The following THOC1 variants were observed in gnomAD, a reference collection of about 807,000 sequenced individuals.
The protein encoded by THOC1 is THO complex 1.
THOC1 carries 29 observed loss-of-function variants against 97.3 expected under a neutral mutation model. That is an observed-to-expected ratio of 0.30 (90% CI 0.22 to 0.41). The LOEUF (loss-of-function observed/expected upper bound fraction) is 0.41, where lower values mean the gene tolerates loss of function less well. Among genes scored for constraint, THOC1 ranks in the 10% least tolerant of loss-of-function variants. THOC1 has a pLI of 1.00. For synonymous variants in THOC1, 255 were observed against 257.0 expected, an observed-to-expected ratio of 0.99 and a Z score of 0.07; for missense variants, 529 against 761.9, an observed-to-expected ratio of 0.69 and a Z score of 3.60.
chr18:259,108 GA>G (rs1217357124), intron 7 of THOC1, 71 bp downstream of exon 7: 4 of 1,134,632 alleles, frequency 3.5e-6, no homozygotes, highest in Non-Finnish European at 5.1e-6. Context: ...TCATTATCAT[GA>G]CAGATTTTAA....
chr18:225,475 C>A (rs1911248512), intron 12 of THOC1, 72 bp from the exon 13 acceptor site: 1 of 1,274,002 alleles, frequency 7.8e-7, no homozygotes. Flanking sequence ...TTAAAAAACA[C>A]AAGGCATGTA....
intron 11 of THOC1, 76 bp downstream of exon 11, chr18:246,248 T>C: frequency 8.7e-7 from 1 of 1,145,864 alleles, no homozygotes. Flanking sequence ...CAGTTTAACT[T>C]AGAAAGGCTG....
intron 16 of THOC1, 92 bp downstream of exon 16, chr18:223,992 C>A: frequency 1.1e-6 from 1 of 936,810 alleles, no homozygotes; most frequent in South Asian, 1.5e-5. Context: ...AACACAATCT[C>A]ATACTATATT....
rs945622647 is a variant in THOC1, at chr18:222,424, G to A, written c.1370+1016C>T. Among the ~76,000 whole-genome samples, 12 of 152,120 alleles carry A rather than the reference G, an allele frequency of 7.9e-5. No homozygotes were observed. In the East Asian group the frequency reaches 1.9e-3, roughly 24 times the overall value. ...TTTAGTCAATCACTCAACCACAACT[G>A]TTTAACTTGTTACAGAATTTTTTAG... On this transcript the variant is annotated intron_variant, in intron 17 of 20. Coordinates refer to ENST00000261600, the MANE Select transcript of THOC1 (RefSeq NM_005131.3).
At chr18:253,411 T>G (rs959085761) in intron 8 of THOC1, among the ~76,000 whole-genome samples, 1 of 152,202 alleles carries the variant, frequency 6.6e-6, no homozygotes, top group African/African-American at 2.4e-5. Context: ...ATGTGATATA[T>G]CCACTCTGAG....
At chr18:240,895 G>A (rs1383837880) in intron 11 of THOC1, among the ~76,000 whole-genome samples, 1 of 152,160 alleles carries the variant, frequency 6.6e-6, no homozygotes, top group African/African-American at 2.4e-5. Context: ...GTTGGTGGGA[G>A]ACAGTGACAG....
chr18:216,653 G>A lies in THOC1; in HGVS notation c.1455-20C>T. 6.2e-7 allele frequency: 1 copy of A among 1,604,038 alleles called. No homozygotes were observed. Among genetic ancestry groups the A allele is most frequent in the Non-Finnish European group, 8.5e-7 (1 of 1,175,168 alleles). On this transcript the variant is annotated intron_variant, in intron 18 of 20. Transcript: ENST00000261600. Reference sequence around the variant, plus strand: ...ACAGCCCTATAAAAAGAGGTGTCAGGCTTGTAATTTATAGCTTTGTATTTC... The same window carrying A: ...ACAGCCCTATAAAAAGAGGTGTCAGACTTGTAATTTATAGCTTTGTATTTC...
At position 214,842 on chromosome 18, in the gene THOC1, C is replaced by T. The variant is rs560248247; in HGVS notation, c.1758G>A (p.Lys586=). Reference sequence around the variant, plus strand: ...TCATTTCCAAGTAGGGAGCCAGAATCTTCCATTGTTCACCCAGCTTGTTGG... The same window carrying T: ...TCATTTCCAAGTAGGGAGCCAGAATTTTCCATTGTTCACCCAGCTTGTTGG... ...VFANKLGEQW[K]ILAPYLEMKD... is the part of the protein sequence containing the mutation. Residue 586 remains lysine (K), a synonymous_variant, in exon 21 of 21, where the codon AAG becomes AAA. Coordinates refer to ENST00000261600, the MANE Select transcript of THOC1 (RefSeq NM_005131.3). 73 of 1,613,944 alleles carry T rather than the reference C, an allele frequency of 4.5e-5. 1 individual carries two copies. In the East Asian group the frequency reaches 1.6e-3, roughly 36 times the overall value.
At chr18:241,121 C>G (rs1475132010) in intron 11 of THOC1, among the ~76,000 whole-genome samples, 2 of 152,052 alleles carry the variant, frequency 1.3e-5, no homozygotes, top group Non-Finnish European at 1.5e-5. Flanking sequence ...CAACCCTGTT[C>G]CAGAGCTATC....
intron 11 of THOC1, among the ~76,000 whole-genome samples, chr18:231,484 T>C (rs1911483912): frequency 6.6e-6 from 1 of 152,198 alleles, no homozygotes; most frequent in Admixed American, 6.5e-5. Context: ...AACATTCTCA[T>C]TAAAATCTTA....
At chr18:225,581 C>G (rs1911252155) in intron 12 of THOC1, 178 bp from the exon 13 acceptor site, 1 of 592,192 alleles carries the variant, frequency 1.7e-6, no homozygotes, top group African/African-American at 1.9e-5. Flanking sequence ...ACTTCTTCCT[C>G]AAGAGGGTTG....
In THOC1 at chr18:263,896, T is replaced by C. The variant is rs559216902; in HGVS notation, c.256+130A>G. ...ATTCAACTGGGACTTCTTGGCAAAGTTGGGAGTCAGGCAGAACTTGAAGAA... is the reference window on the plus strand; with the variant it reads ...ATTCAACTGGGACTTCTTGGCAAAGCTGGGAGTCAGGCAGAACTTGAAGAA... On this transcript the variant is annotated intron_variant, in intron 4 of 20. Coordinates refer to ENST00000261600, the MANE Select transcript of THOC1 (RefSeq NM_005131.3). 9.0e-6 allele frequency: 6 copies of C among 666,146 alleles called. No individual in the cohort carries two copies. The South Asian group carries it at 1.1e-4, about 12-fold the overall frequency. 41.3% of individuals were successfully genotyped at this position (666,146 alleles called of 1,614,324 possible). A position where few individuals can be genotyped will look rare whatever the true frequency, so the allele number is the denominator to read the frequency against.
chr18:241,901 T>G (rs1251777253), intron 11 of THOC1, among the ~76,000 whole-genome samples: 1 of 152,174 alleles, frequency 6.6e-6, no homozygotes, highest in African/African-American at 2.4e-5. Context: ...GAACAGATAC[T>G]TTTCCACTGC....
At chr18:235,909 C>A (rs1911664181) in intron 11 of THOC1, among the ~76,000 whole-genome samples, 1 of 152,174 alleles carries the variant, frequency 6.6e-6, no homozygotes, top group African/African-American at 2.4e-5. Context: ...CCTGATCCAT[C>A]AGAAGCAGTT....
At chr18:233,955 G>T (rs1380184612) in intron 11 of THOC1, among the ~76,000 whole-genome samples, 1 of 152,132 alleles carries the variant, frequency 6.6e-6, no homozygotes, top group Non-Finnish European at 1.5e-5. Context: ...AAAATATACT[G>T]AATCAATAAA....
At chr18:245,702 G>A (rs1912065915) in intron 11 of THOC1, 2 of 152,550 alleles carry the variant, frequency 1.3e-5, no homozygotes, top group Admixed American at 1.3e-4. Context: ...GCCTTGGATA[G>A]AGAGTCCAGC....
At chr18:237,157 ATTTTTT>A (rs763933161) in intron 11 of THOC1, among the ~76,000 whole-genome samples, 1 of 126,304 alleles carries the variant, frequency 7.9e-6, no homozygotes, top group East Asian at 2.3e-4. Context: ...CATGTACTGG[ATTTTTT>A]TTTTTTTTTT....
Position 215,496 on chromosome 18 carries a change from A to AGAAG in THOC1, c.1607_1610dup (p.Glu538PhefsTer2), listed in dbSNP as rs1453775016. On this transcript the variant is annotated frameshift_variant, in exon 20 of 21. Transcript: ENST00000261600. LOFTEE classifies it high-confidence loss of function. ...CATCCTCACCTGTTTTTATTTCTTC[A>AGAAG]GAAGGAGGCTAAAAATGAGAAAGAA... 1 of 1,612,334 alleles carries AGAAG rather than the reference A, an allele frequency of 6.2e-7. No individual in the cohort carries two copies. Among genetic ancestry groups the AGAAG allele is most frequent in the Non-Finnish European group, 8.5e-7 (1 of 1,178,656 alleles).
chr18:236,008 A>G (rs1244346695), intron 11 of THOC1, among the ~76,000 whole-genome samples: 1 of 152,224 alleles, frequency 6.6e-6, no homozygotes, highest in South Asian at 2.1e-4. Context: ...TTAAATACAT[A>G]TAAGTTCATG....
Sources: allele counts gnomAD v4.1 joint callset (sites outside exome capture counted in the v4.1 genomes callset), GRCh38; gene constraint gnomAD v4.1.1; transcripts MANE v1.5; gene names NCBI Gene and HGNC (gene_info 2026-07-23, HGNC 2026-07-21).